CCDC171: variants seen among roughly 807,000 people sequenced by gnomAD.
CCDC171 encodes coiled-coil domain-containing protein 171.
A neutral mutation model predicts 168.2 loss-of-function variants in CCDC171; 177 were observed. The ratio of observed to expected loss-of-function variants is 1.05; its 90% CI spans 0.93 to 1.19. The LOEUF (loss-of-function observed/expected upper bound fraction) is 1.19. Among genes scored for constraint, CCDC171 ranks in the 50% most tolerant of loss-of-function variants. CCDC171 has a pLI of 0.00. For synonymous variants in CCDC171, 687 were observed against 540.8 expected (o/e 1.27, Z -3.75); for missense variants, 1,991 against 1,539.0 (o/e 1.29, Z -4.91).
intron 11 of CCDC171, among the ~76,000 whole-genome samples, chr9:15,718,846 C>G (rs984622657): frequency 1.6e-4 from 24 of 152,148 alleles, no homozygotes; most frequent in African/African-American, 4.6e-4. Flanking sequence ...CTGGGAAAGC[C>G]TTCTCGGGAA....
intron 6 of CCDC171, among the ~76,000 whole-genome samples, chr9:15,617,020 G>C (rs527502894): frequency 2.0e-5 from 3 of 152,186 alleles, no homozygotes; most frequent in Non-Finnish European, 4.4e-5. Flanking sequence ...AAGGCAAAGG[G>C]GGAGCAGGCA....
intron 25 of CCDC171, among the ~76,000 whole-genome samples, chr9:15,934,869 G>T (rs73646887): frequency 1.6e-4 from 25 of 152,150 alleles, no homozygotes; most frequent in African/African-American, 5.8e-4. Flanking sequence ...TGGATGCACT[G>T]TGAAATCGTT....
chr9:15,954,804 G>T (rs1244443528), intron 25 of CCDC171, among the ~76,000 whole-genome samples: 2 of 151,286 alleles, frequency 1.3e-5, no homozygotes, highest in African/African-American at 4.9e-5. Context: ...TCTCTTTATT[G>T]ATATTTCCAT....
chr9:15,645,885 A>T (rs1027536776), intron 7 of CCDC171, among the ~76,000 whole-genome samples: 3 of 152,198 alleles, frequency 2.0e-5, no homozygotes, highest in African/African-American at 7.2e-5. Context: ...CAAATTCAGG[A>T]AATACAGAGA....
intron 25 of CCDC171, among the ~76,000 whole-genome samples, chr9:15,960,700 G>T (rs940144402): frequency 6.6e-6 from 1 of 152,166 alleles, no homozygotes; most frequent in Admixed American, 6.6e-5. Flanking sequence ...ATGTGCCCCA[G>T]TGCTTGTTGT....
At chr9:16,043,837 C>T (rs1160178001) in intron 1 of CCDC171, among the ~76,000 whole-genome samples, 1 of 152,174 alleles carries the variant, frequency 6.6e-6, no homozygotes, top group Non-Finnish European at 1.5e-5. Context: ...TAGGATGAGT[C>T]AAGATCTTGT....
chr9:15,646,019 G>T (rs904165043), intron 7 of CCDC171, among the ~76,000 whole-genome samples: 2 of 152,102 alleles, frequency 1.3e-5, no homozygotes, highest in South Asian at 2.1e-4. Flanking sequence ...TACCCACAAA[G>T]GGAAGCCCAT....
the CCDC171 span, among the ~76,000 whole-genome samples, chr9:16,088,576 A>G: frequency 6.6e-6 from 1 of 152,134 alleles, no homozygotes; most frequent in South Asian, 2.1e-4. Context: ...TACACCAATA[A>G]CAGAGACCAA....
chr9:15,965,031 G>A (rs1290972528), intron 25 of CCDC171, among the ~76,000 whole-genome samples: 1 of 152,132 alleles, frequency 6.6e-6, no homozygotes, highest in African/African-American at 2.4e-5. Context: ...CCAAAGTGCT[G>A]GGATTACAGG....
chr9:15,998,108 G>C (rs1047134288), intron 3 of CCDC171, among the ~76,000 whole-genome samples: 3 of 152,080 alleles, frequency 2.0e-5, no homozygotes, highest in Non-Finnish European at 4.4e-5. Context: ...TGTGGGAATG[G>C]GATACACCAA....
rs549588277 is a variant in CCDC171, at chr9:15,673,244, A to C, written c.1077-5514A>C. Among the ~76,000 whole-genome samples the C allele has an allele frequency of 2.0e-5, 3 of 152,314 alleles. No individual in the cohort carries two copies. In the South Asian group the frequency reaches 6.2e-4, roughly 32 times the overall value. ...TGAAGTAGCTTATCAGTTTAAGGAG[A>C]TTTTGGGCTGAGATGATGGGGTTTT... On this transcript the variant is annotated intron_variant, in intron 9 of 25. Transcript: ENST00000380701.
chr9:15,684,421 C>T (rs908756958), intron 10 of CCDC171, among the ~76,000 whole-genome samples: 18 of 151,676 alleles, frequency 1.2e-4, no homozygotes, highest in African/African-American at 4.4e-4. Flanking sequence ...AATTGGCCTT[C>T]ATGGTTTTTA....
chr9:16,088,252 C>T, the CCDC171 span, among the ~76,000 whole-genome samples: 1 of 152,082 alleles, frequency 6.6e-6, no homozygotes, highest in African/African-American at 2.4e-5. Flanking sequence ...TATGACACAC[C>T]CACAGCCAAT....
At chr9:15,793,699 AC>A (rs2058401780) in intron 21 of CCDC171, among the ~76,000 whole-genome samples, 1 of 151,418 alleles carries the variant, frequency 6.6e-6, no homozygotes, top group Admixed American at 6.6e-5. Context: ...ACAGGCACAC[AC>A]CACAACACCT....
At chr9:15,760,027 T>C (rs1283997670) in intron 18 of CCDC171, among the ~76,000 whole-genome samples, 1 of 152,168 alleles carries the variant, frequency 6.6e-6, no homozygotes, top group East Asian at 1.9e-4. Flanking sequence ...GACAGAATCT[T>C]GGGGAAATCT....
At chr9:15,694,213 G>A (rs1190580322) in intron 10 of CCDC171, among the ~76,000 whole-genome samples, 1 of 151,850 alleles carries the variant, frequency 6.6e-6, no homozygotes, top group African/African-American at 2.4e-5. Context: ...CTTGTCCTAG[G>A]CTCTTTTCAT....
intron 11 of CCDC171, among the ~76,000 whole-genome samples, chr9:15,713,579 G>T (rs2052846961): frequency 6.6e-6 from 1 of 152,078 alleles, no homozygotes; most frequent in South Asian, 2.1e-4. Flanking sequence ...ATGGTGAATT[G>T]TTGGCCATGT....
At chr9:15,937,151 C>T (rs180934634) in intron 25 of CCDC171, among the ~76,000 whole-genome samples, 4 of 151,990 alleles carry the variant, frequency 2.6e-5, no homozygotes, top group Admixed American at 2.0e-4. Flanking sequence ...GTTTAACCGC[C>T]CAATTTTATT....
At chr9:15,734,240 T>C (rs925476219) in intron 16 of CCDC171, among the ~76,000 whole-genome samples, 1 of 152,190 alleles carries the variant, frequency 6.6e-6, no homozygotes, top group African/African-American at 2.4e-5. Context: ...AGTACATTAC[T>C]ATTATAAATT....
Sources: allele counts gnomAD v4.1 joint callset (sites outside exome capture counted in the v4.1 genomes callset), GRCh38; gene constraint gnomAD v4.1.1; transcripts MANE v1.5; gene names NCBI Gene and HGNC (gene_info 2026-07-23, HGNC 2026-07-21).